The following CTNNA3 variants were observed in gnomAD, a reference collection of about 807,000 sequenced individuals.
The protein encoded by CTNNA3 is catenin alpha-3.
In CTNNA3, 76 loss-of-function variants were observed where a neutral mutation model predicts 95.7. The observed-to-expected ratio is 0.79, with a 90% CI of 0.66 to 0.96. CTNNA3 has a LOEUF of 0.96. Among genes scored for constraint, CTNNA3 ranks in the 40% least tolerant of loss-of-function variants. The probability of loss-of-function intolerance (pLI) is 0.00; values close to 1 mark genes in which losing one functional copy is unlikely to be tolerated. For synonymous variants in CTNNA3, 431 were observed against 374.4 expected (o/e 1.15, Z -1.74); for missense variants, 1,191 against 1,089.8 (o/e 1.09, Z -1.31).
chr10:67,372,484 C>A (rs894215510), intron 5 of CTNNA3, among the ~76,000 whole-genome samples: 49 of 152,164 alleles, frequency 3.2e-4, no homozygotes, highest in Non-Finnish European at 6.0e-4. Context: ...TGTGAAAAGA[C>A]CAAATCTACG....
At chr10:67,685,281 G>C (rs951084944) in intron 1 of CTNNA3, among the ~76,000 whole-genome samples, 7 of 152,180 alleles carry the variant, frequency 4.6e-5, no homozygotes, top group Admixed American at 6.5e-5. Context: ...ACTTAGAATT[G>C]GTATAGATGG....
intron 7 of CTNNA3, among the ~76,000 whole-genome samples, chr10:66,876,438 T>C (rs1449482991): frequency 1.3e-5 from 2 of 152,188 alleles, no homozygotes; most frequent in Non-Finnish European, 2.9e-5. Context: ...TAAAAGTCAC[T>C]ATTTCATTTT....
At chr10:66,032,534 A>G (rs1423065744) in intron 15 of CTNNA3, among the ~76,000 whole-genome samples, 1 of 152,202 alleles carries the variant, frequency 6.6e-6, no homozygotes, top group African/African-American at 2.4e-5. Context: ...GCAATGACAG[A>G]CATGGAAAAA....
chr10:66,008,619 T>C (rs373429070), intron 15 of CTNNA3, among the ~76,000 whole-genome samples: 12 of 152,230 alleles, frequency 7.9e-5, no homozygotes, highest in Admixed American at 7.2e-4. Flanking sequence ...TGTTTCTTTA[T>C]GTTATACCTG....
chr10:67,624,235 C>T (rs1183874924), intron 2 of CTNNA3, among the ~76,000 whole-genome samples: 1 of 152,188 alleles, frequency 6.6e-6, no homozygotes, highest in Admixed American at 6.5e-5. Context: ...ATAATTACTT[C>T]TGGTCCCTTC....
At chr10:67,345,497 T>C (rs531942808) in intron 5 of CTNNA3, among the ~76,000 whole-genome samples, 120 of 152,286 alleles carry the variant, frequency 7.9e-4, no homozygotes, top group African/African-American at 2.8e-3. Context: ...TTTATATATC[T>C]GGGCGCTTCA....
chr10:67,580,440 A>G (rs1439832640), intron 3 of CTNNA3, among the ~76,000 whole-genome samples: 1 of 151,646 alleles, frequency 6.6e-6, no homozygotes, highest in Admixed American at 6.6e-5. Context: ...TACCAGTACC[A>G]TGCTGTTTTG....
At chr10:67,154,546 G>T (rs893918988) in intron 7 of CTNNA3, among the ~76,000 whole-genome samples, 1 of 152,182 alleles carries the variant, frequency 6.6e-6, no homozygotes, top group Non-Finnish European at 1.5e-5. Flanking sequence ...AAAACCCTTG[G>T]ATGCTTGAAG....
At position 66,502,725 on chromosome 10, in the gene CTNNA3, A is replaced by C. The variant is rs550824409; in HGVS notation, c.1531+17892T>G. Among the ~76,000 whole-genome samples the C allele has an allele frequency of 2.6e-5, 4 of 151,696 alleles. No homozygotes were observed. The South Asian group carries it at 6.3e-4, about 24-fold the overall frequency. ...ATTTGCTCATTTCCCCATTGATGGA[A>C]AAAAAAAACTCTATAATGATCATAC... On this transcript the variant is annotated intron_variant, in intron 11 of 17. Coordinates refer to ENST00000433211, the MANE Select transcript of CTNNA3 (RefSeq NM_013266.4).
At chr10:66,427,731 C>T (rs940547164) in intron 11 of CTNNA3, among the ~76,000 whole-genome samples, 7 of 151,994 alleles carry the variant, frequency 4.6e-5, no homozygotes, top group Admixed American at 2.0e-4. Flanking sequence ...CAGACCTGCC[C>T]GACAAGGGCT....
At chr10:66,147,745 T>C (rs895796733) in intron 13 of CTNNA3, among the ~76,000 whole-genome samples, 9 of 147,566 alleles carry the variant, frequency 6.1e-5, no homozygotes, top group Non-Finnish European at 1.3e-4. Flanking sequence ...AAAATATGTT[T>C]ATATTAGTAT....
chr10:67,522,980 CAT>C (rs896440735), intron 4 of CTNNA3, among the ~76,000 whole-genome samples: 1 of 152,092 alleles, frequency 6.6e-6, no homozygotes, highest in African/African-American at 2.4e-5. Flanking sequence ...ACTATGATGC[CAT>C]GAGACAGGCT....
intron 5 of CTNNA3, among the ~76,000 whole-genome samples, chr10:67,366,501 A>T (rs1843224813): frequency 6.6e-6 from 1 of 152,070 alleles, no homozygotes; most frequent in Admixed American, 6.6e-5. Context: ...ATCAGCCAGG[A>T]GTGGTGGCAC....
At chr10:67,222,079 G>T (rs1226926883) in intron 5 of CTNNA3, among the ~76,000 whole-genome samples, 1 of 152,136 alleles carries the variant, frequency 6.6e-6, no homozygotes, top group Non-Finnish European at 1.5e-5. Context: ...CTTTTCACAA[G>T]ACTCTGCTAC....
chr10:65,962,467 T>C (rs1284726077), intron 17 of CTNNA3, among the ~76,000 whole-genome samples: 2 of 152,186 alleles, frequency 1.3e-5, no homozygotes, highest in Non-Finnish European at 2.9e-5. Context: ...CTAAACATAT[T>C]TTCCTCAGAA....
intron 15 of CTNNA3, among the ~76,000 whole-genome samples, chr10:66,042,615 T>C (rs1156790196): frequency 6.6e-6 from 1 of 151,672 alleles, no homozygotes; most frequent in African/African-American, 2.4e-5. Flanking sequence ...AAAATGAGAA[T>C]ACAGCCAGGC....
At chr10:66,187,261 G>T (rs916195086) in intron 13 of CTNNA3, among the ~76,000 whole-genome samples, 2 of 151,950 alleles carry the variant, frequency 1.3e-5, no homozygotes. Flanking sequence ...TTACTACAAA[G>T]AATTAGCAGC....
At chr10:67,559,432 G>A (rs915112171) in intron 3 of CTNNA3, among the ~76,000 whole-genome samples, 3 of 152,204 alleles carry the variant, frequency 2.0e-5, no homozygotes, top group East Asian at 3.8e-4. Flanking sequence ...TGAGGGTCCT[G>A]TCTGTTAGAA....
At position 66,273,613 on chromosome 10, in the gene CTNNA3, G is replaced by A. The variant is rs369069258; in HGVS notation, c.1884+6857C>T. Among the ~76,000 whole-genome samples, 72 of 152,202 alleles carry A rather than the reference G, an allele frequency of 4.7e-4. 1 individual carries two copies. The South Asian group carries it at 0.013, about 27-fold the overall frequency. On this transcript the variant is annotated intron_variant, in intron 13 of 17. Transcript: ENST00000433211. Reference sequence around the variant, plus strand: ...TTCAAAACATACCATAATCAAAGGCGAGGCTAAAATTTAATTTTACGTGTT... The same window carrying A: ...TTCAAAACATACCATAATCAAAGGCAAGGCTAAAATTTAATTTTACGTGTT...
Sources: gnomAD v4.1 joint callset for allele counts (sites outside exome capture counted in the v4.1 genomes callset) on GRCh38, gnomAD v4.1.1 for gene constraint, MANE v1.5 for transcripts, NCBI Gene and HGNC (gene_info 2026-07-23, HGNC 2026-07-21) for gene names.